The following ABCC4 variants were observed in gnomAD, a reference collection of about 807,000 sequenced individuals.
The protein encoded by ABCC4 is ATP binding cassette subfamily C member 4 (PEL blood group).
ABCC4 carries 102 observed loss-of-function variants against 168.5 expected under a neutral mutation model. The ratio of observed to expected loss-of-function variants is 0.61; its 90% CI spans 0.52 to 0.71. The LOEUF is 0.71. Ranked by LOEUF, ABCC4 falls within the 30% of genes least tolerant of loss-of-function variation. The pLI, the probability that ABCC4 is intolerant of heterozygous loss-of-function variation, is 0.00. For synonymous variants in ABCC4, 617 were observed against 590.7 expected, an observed-to-expected ratio of 1.04 and a Z score of -0.65; for missense variants, 1,402 against 1,605.8, an observed-to-expected ratio of 0.87 and a Z score of 2.17.
At chr13:95,264,895 G>A (rs1046981958) in intron 1 of ABCC4, among the ~76,000 whole-genome samples, 3 of 122,930 alleles carry the variant, frequency 2.4e-5, no homozygotes, top group Non-Finnish European at 5.0e-5. Context: ...TTGAGACAGA[G>A]TTTTGCTCTT....
At chr13:95,048,673 T>C (rs1453952478) in intron 27 of ABCC4, among the ~76,000 whole-genome samples, 4 of 152,248 alleles carry the variant, frequency 2.6e-5, no homozygotes, top group African/African-American at 2.4e-5. Context: ...TTCTGTCTTA[T>C]GGTGTCCTGA....
At chr13:95,253,171 G>C (rs116432638) in intron 1 of ABCC4, among the ~76,000 whole-genome samples, 1,942 of 152,158 alleles carry the variant, frequency 0.013, 37 homozygotes, top group African/African-American at 0.044. Context: ...TGACTGCCCC[G>C]GGCTTTCTCC....
intron 9 of ABCC4, among the ~76,000 whole-genome samples, chr13:95,192,197 G>A (rs1396160455): frequency 6.6e-6 from 1 of 152,158 alleles, no homozygotes; most frequent in Non-Finnish European, 1.5e-5. Context: ...AATACCTGCT[G>A]GTCTATCCAG....
intron 3 of ABCC4, 67 bp downstream of exon 3, chr13:95,246,908 A>T (rs964834329): frequency 1.3e-6 from 2 of 1,550,696 alleles, no homozygotes; most frequent in Non-Finnish European, 8.8e-7. Flanking sequence ...TTACAGCACC[A>T]GTCAATGGCG....
rs2036496131 is a variant in ABCC4 at position 95,146,373 on chromosome 13, AACAAACCTGCAT to A, written c.2455+14804_2455+14815del. Among the ~76,000 whole-genome samples the A allele has an allele frequency of 1.3e-5, 2 of 152,200 alleles. 1 individual carries two copies. Among genetic ancestry groups the A allele is most frequent in the South Asian group, 4.1e-4 (2 of 4,838 alleles). Reference sequence around the variant, plus strand: ...TCCACCACATGTAATCTACTCATGTAACAAACCTGCATATGTACCGTCTGAACCAAAAATAAA... The same window carrying A: ...TCCACCACATGTAATCTACTCATGTAATGTACCGTCTGAACCAAAAATAAA... On this transcript the variant is annotated intron_variant, in intron 19 of 30. Transcript: ENST00000645237.
intron 4 of ABCC4, among the ~76,000 whole-genome samples, chr13:95,230,945 A>T (rs766568161): frequency 3.3e-5 from 5 of 152,336 alleles, no homozygotes; most frequent in Non-Finnish European, 7.3e-5. Context: ...AATATTATTC[A>T]CTCTTTCAAA....
chr13:95,078,400 G>A (rs1017775561), intron 21 of ABCC4, among the ~76,000 whole-genome samples: 1 of 145,194 alleles, frequency 6.9e-6, no homozygotes, highest in Non-Finnish European at 1.5e-5. Context: ...GTGACAGAGC[G>A]AGACTATGTC....
In ABCC4 at chr13:95,209,597, C is replaced by G. The variant is rs199868764; in HGVS notation, c.622G>C (p.Val208Leu). 6.2e-7 allele frequency: 1 copy of G among 1,609,166 alleles called. No individual in the cohort carries two copies. The highest frequency in any genetic ancestry group is 1.7e-5 in the Admixed American group (1 of 59,170). ...CACAGGAAGTGTAAGAACACTGTCA[C>G]CTTTAAAGAAAAAGACAGAGCGTTC... is the stretch of plus-strand genomic sequence containing the variant. Reference protein sequence around the residue: ...LSNDVNKFDQVTVFLHFLWAG... With the variant: ...LSNDVNKFDQLTVFLHFLWAG... The change falls in exon 6 of 31, where the codon GTG (valine) becomes CTG (leucine). Residue 208 changes from valine to leucine, a missense_variant and splice_region_variant. Physicochemically the swap from Val to Leu is conservative, Grantham distance 32. This residue lies in a region of ABCC4 where 317 missense variants were observed against 345.5 expected (regional missense o/e 0.92). Transcript: ENST00000645237.
chr13:95,186,388 G>C (rs1050642239), intron 11 of ABCC4, among the ~76,000 whole-genome samples: 9 of 151,998 alleles, frequency 5.9e-5, no homozygotes, highest in African/African-American at 2.2e-4. Context: ...GTACAGGCAG[G>C]TTCAAGACAC....
intron 8 of ABCC4, among the ~76,000 whole-genome samples, chr13:95,203,546 C>T (rs1376223904): frequency 2.6e-5 from 4 of 152,024 alleles, no homozygotes; most frequent in Admixed American, 6.6e-5. Context: ...TTAGTAGAGA[C>T]GGGATTTCAC....
chr13:95,161,270 T>A lies in ABCC4; in HGVS notation c.2374A>T (p.Asn792Tyr). 6.2e-7 allele frequency: 1 copy of A among 1,611,144 alleles called. No individual in the cohort carries two copies. Among genetic ancestry groups the A allele is most frequent in the South Asian group, 1.1e-5 (1 of 90,330 alleles). ...RSLLVFYVLV[N>Y]SSQTLHNKMF... ...TTGTTGTGCAAAGTTTGTGAAGAGTTAACAAGGACGTAGAATACCAATAGA... is the reference window on the plus strand; with the variant it reads ...TTGTTGTGCAAAGTTTGTGAAGAGTAAACAAGGACGTAGAATACCAATAGA... The change falls in exon 19 of 31, where the codon AAC (asparagine) becomes TAC (tyrosine). Residue 792 changes from asparagine to tyrosine, a missense_variant. This residue lies in a region of ABCC4 where 1,007 missense variants were observed against 1,127.3 expected (regional missense o/e 0.89). Coordinates refer to ENST00000645237, the MANE Select transcript of ABCC4 (RefSeq NM_005845.5).
intron 20 of ABCC4, among the ~76,000 whole-genome samples, chr13:95,103,291 C>A (rs987259683): frequency 6.6e-6 from 1 of 152,018 alleles, no homozygotes; most frequent in Non-Finnish European, 1.5e-5. Flanking sequence ...AAAACAAAAA[C>A]AAAACCTGAA....
At chr13:95,181,981 G>C (rs1441222285) in intron 11 of ABCC4, among the ~76,000 whole-genome samples, 3 of 151,818 alleles carry the variant, frequency 2.0e-5, no homozygotes, top group Admixed American at 6.6e-5. Context: ...AAAAAGACAG[G>C]GTCTTGCTAT....
At chr13:95,161,395 T>A in intron 18 of ABCC4, 60 bp from the exon 19 acceptor site, 8 of 1,372,368 alleles carry the variant, frequency 5.8e-6, no homozygotes, top group Middle Eastern at 1.9e-4. Context: ...CTTCAATAGT[T>A]GCTAAAGCAA....
chr13:95,029,388 C>T (rs986256310), intron 30 of ABCC4, among the ~76,000 whole-genome samples: 3 of 151,572 alleles, frequency 2.0e-5, no homozygotes, highest in African/African-American at 7.3e-5. Flanking sequence ...ATTATTTGTG[C>T]TCAAAAACCA....
rs1411845221 is a variant in ABCC4 at position 95,209,460 on chromosome 13, A to G, written c.759T>C (p.Cys253=). ...TCAGTGATGAGAACAACTTCCCAAA[A>G]CAGCTTTGCAAGGGCAGGAGAATGA... is the stretch of plus-strand genomic sequence containing the variant. ...VLIILLPLQS[C]FGKLFSSLRS... is the part of the protein sequence containing the mutation. Residue 253 remains cysteine (C), a synonymous_variant, in exon 6 of 31, where the codon TGT becomes TGC. Transcript: ENST00000645237. 6.2e-7 allele frequency: 1 copy of G among 1,614,062 alleles called. No homozygotes were observed. The highest frequency in any genetic ancestry group is 8.5e-7 in the Non-Finnish European group (1 of 1,179,988).
chr13:95,086,733 T>C (rs2034269228), intron 20 of ABCC4, among the ~76,000 whole-genome samples: 1 of 152,212 alleles, frequency 6.6e-6, no homozygotes, highest in Admixed American at 6.5e-5. Flanking sequence ...AAAAATGCCA[T>C]CCATCCTTCT....
intron 26 of ABCC4, 95 bp downstream of exon 26, chr13:95,062,609 C>T: frequency 8.5e-7 from 1 of 1,174,882 alleles, no homozygotes; most frequent in Non-Finnish European, 1.2e-6. Context: ...AAAAAACAAT[C>T]CTTTCATCCA....
intron 1 of ABCC4, among the ~76,000 whole-genome samples, chr13:95,300,964 C>T (rs1594469964): frequency 6.6e-6 from 1 of 152,124 alleles, no homozygotes; most frequent in South Asian, 2.1e-4. Flanking sequence ...CTCCCCCGAG[C>T]CCTAAGGGCC....
Sources: allele counts gnomAD v4.1 joint callset (sites outside exome capture counted in the v4.1 genomes callset), GRCh38; gene constraint gnomAD v4.1.1; regional missense constraint gnomAD v4.1.1; transcripts MANE v1.5; gene names NCBI Gene and HGNC (gene_info 2026-07-23, HGNC 2026-07-21).